Variants in SH3KBP1 observed in about 807,000 individuals in gnomAD.
SH3KBP1 encodes the protein SH3 domain-containing kinase-binding protein 1.
SH3KBP1 carries 8 observed loss-of-function variants against 50.1 expected under a neutral mutation model. That is an observed-to-expected ratio of 0.16 (90% CI 0.09 to 0.29). The LOEUF is 0.29. Among genes scored for constraint, SH3KBP1 ranks in the 10% least tolerant of loss-of-function variants. SH3KBP1 has a pLI of 1.00. For missense variants in SH3KBP1, 377 were observed against 535.2 expected, an observed-to-expected ratio of 0.70 and a Z score of 2.92; for synonymous variants, 227 against 218.6, an observed-to-expected ratio of 1.04 and a Z score of -0.34.
chrX:19,570,424 C>G (rs1048762441), intron 12 of SH3KBP1, among the ~76,000 whole-genome samples: 1 of 111,666 alleles, frequency 9.0e-6, no homozygotes, highest in Non-Finnish European at 1.9e-5. Context: ...CCAAGTCCCC[C>G]GGGACCAAAG....
intron 1 of SH3KBP1, among the ~76,000 whole-genome samples, chrX:19,855,658 T>G (rs1370656331): frequency 9.0e-6 from 1 of 111,227 alleles, no homozygotes; most frequent in Non-Finnish European, 1.9e-5. Context: ...CCTGGCTCAG[T>G]GCTACACATA....
At chrX:19,719,922 A>G (rs1055367699) in intron 3 of SH3KBP1, among the ~76,000 whole-genome samples, 8 of 108,779 alleles carry the variant, frequency 7.4e-5, no homozygotes, top group Non-Finnish European at 1.5e-4. Context: ...TTAACAATAC[A>G]GAAGAGACAA....
intron 2 of SH3KBP1, among the ~76,000 whole-genome samples, chrX:19,800,897 G>GC (rs780164324): frequency 9.0e-6 from 1 of 110,997 alleles, no homozygotes; most frequent in Non-Finnish European, 1.9e-5. Context: ...CATAAAAAAG[G>GC]CCCCCAAGTG....
intron 8 of SH3KBP1, among the ~76,000 whole-genome samples, chrX:19,624,006 G>C (rs1162737614): frequency 9.0e-6 from 1 of 111,694 alleles, no homozygotes; most frequent in African/African-American, 3.3e-5. Flanking sequence ...AATATTGTGT[G>C]TGTAAAGACA....
At chrX:19,841,721 A>G in intron 1 of SH3KBP1, among the ~76,000 whole-genome samples, 1 of 110,458 alleles carries the variant, frequency 9.1e-6, no homozygotes, top group Non-Finnish European at 1.9e-5. Context: ...GAATTTTACA[A>G]ATGAGGAACT....
chrX:19,733,835 A>G (rs1014050032), intron 3 of SH3KBP1, among the ~76,000 whole-genome samples: 1 of 111,944 alleles, frequency 8.9e-6, no homozygotes, highest in Non-Finnish European at 1.9e-5. Flanking sequence ...TGACGGAAGA[A>G]AAAATGTTCA....
chrX:19,788,961 T>A lies in SH3KBP1; in HGVS notation c.163-42520A>T, dbSNP rs1449633997. ...CAACATGGCAAAATCAGGTCTCTAC[T>A]GAAAGTACAAAAATTAGCCGGGCAT... On this transcript the variant is annotated intron_variant, in intron 2 of 17. Transcript: ENST00000397821. 2.7e-5 allele frequency among the ~76,000 whole-genome samples: 3 copies of A among 111,471 alleles called. No individual in the cohort carries two copies. The Admixed American group carries it at 2.8e-4, about 11-fold the overall frequency.
intron 3 of SH3KBP1, among the ~76,000 whole-genome samples, chrX:19,737,067 C>T (rs1344447977): frequency 8.2e-5 from 9 of 110,090 alleles, no homozygotes; most frequent in Non-Finnish European, 1.3e-4. Flanking sequence ...CTGCCATGCC[C>T]GGCTAATTTT....
At chrX:19,799,815 T>G in intron 2 of SH3KBP1, 1 of 1,100,223 alleles carries the variant, frequency 9.1e-7, no homozygotes. Flanking sequence ...TCCTGTCCCG[T>G]ACCCAACCCG....
rs370147117 is a variant in SH3KBP1 at position 19,577,737 on chromosome X, CA to C, written c.1299-8550del. ...TTAGCAGTAGCACTAACAGCAGCCA[CA>C]AAAAAAAAAATACCAAAAAGAACCC... On this transcript the variant is annotated intron_variant, in intron 12 of 17. Transcript: ENST00000397821. Among the ~76,000 whole-genome samples, 213 of 99,849 alleles carry C rather than the reference CA, an allele frequency of 2.1e-3. 2 individuals are homozygous for C. Among genetic ancestry groups the C allele is most frequent in the Non-Finnish European group, 2.5e-3 (121 of 48,847 alleles). The allele number at this position is 99,849 out of a possible 115,157, so 86.7% of individuals were successfully genotyped here. A position where few individuals can be genotyped will look rare whatever the true frequency, so the allele number is the denominator to read the frequency against.
At chrX:19,542,327 T>C in intron 15 of SH3KBP1, 134 bp from the exon 16 acceptor site, 1 of 648,697 alleles carries the variant, frequency 1.5e-6, no homozygotes, top group Non-Finnish European at 2.2e-6. Context: ...TGTTCCTTCA[T>C]CCACAAGCCA....
At chrX:19,569,606 T>C (rs1181300177) in intron 12 of SH3KBP1, among the ~76,000 whole-genome samples, 2 of 112,145 alleles carry the variant, frequency 1.8e-5, no homozygotes, top group African/African-American at 3.2e-5. Context: ...ACTTTCAACC[T>C]TGAGAAAAAG....
At chrX:19,664,514 A>C (rs1239585998) in intron 6 of SH3KBP1, among the ~76,000 whole-genome samples, 1 of 111,535 alleles carries the variant, frequency 9.0e-6, no homozygotes, top group East Asian at 2.8e-4. Flanking sequence ...TTCATCTCTT[A>C]TCCAGACCAC....
rs777423158 is a variant in SH3KBP1 at position 19,546,091 on chromosome X, C to T, written c.1495-41G>A. 5 of 1,192,310 alleles carry T rather than the reference C, an allele frequency of 4.2e-6. No individual in the cohort carries two copies. The African/African-American group carries it at 8.8e-5, about 21-fold the overall frequency. On this transcript the variant is annotated intron_variant, in intron 14 of 17. Transcript: ENST00000397821. ...GAAAATGCTTTTGTCAGAATTACAC[C>T]TTAGCTGACACCACTTTCGTTAATA...
At chrX:19,667,892 G>A (rs1211364728) in intron 6 of SH3KBP1, among the ~76,000 whole-genome samples, 12 of 95,733 alleles carry the variant, frequency 1.3e-4, no homozygotes, top group African/African-American at 4.8e-4. Flanking sequence ...GAATTAAGTC[G>A]ACCTTTAACC....
At chrX:19,878,317 TC>T (rs1415176678) in intron 1 of SH3KBP1, among the ~76,000 whole-genome samples, 2 of 106,064 alleles carry the variant, frequency 1.9e-5, no homozygotes, top group Non-Finnish European at 3.9e-5. Context: ...TTTTTTTTTT[TC>T]CTTGAGACAC....
At chrX:19,624,292 T>G (rs1010614982) in intron 8 of SH3KBP1, among the ~76,000 whole-genome samples, 2 of 112,039 alleles carry the variant, frequency 1.8e-5, no homozygotes, top group African/African-American at 6.5e-5. Flanking sequence ...GATTTTTTTT[T>G]TCTGTGTGTT....
At chrX:19,671,623 C>T (rs1396276023) in intron 6 of SH3KBP1, among the ~76,000 whole-genome samples, 3 of 111,969 alleles carry the variant, frequency 2.7e-5, no homozygotes, top group Non-Finnish European at 5.6e-5. Flanking sequence ...ACTCTGGAGC[C>T]GGAGTGTTTG....
intron 10 of SH3KBP1, among the ~76,000 whole-genome samples, chrX:19,592,368 C>T (rs569740105): frequency 1.3e-4 from 15 of 111,618 alleles, no homozygotes; most frequent in African/African-American, 4.6e-4. Context: ...CCTTAATTTA[C>T]AAGAATACCA....
Sources: gnomAD v4.1 joint callset for allele counts (sites outside exome capture counted in the v4.1 genomes callset) on GRCh38, gnomAD v4.1.1 for gene constraint, MANE v1.5 for transcripts, NCBI Gene and HGNC (gene_info 2026-07-23, HGNC 2026-07-21) for gene names.